Variants in MAPK10 observed in about 807,000 individuals in gnomAD.
MAPK10 encodes the protein mitogen-activated protein kinase 10, also known as JNK3 alpha protein kinase.
A neutral mutation model predicts 59.3 loss-of-function variants in MAPK10; 25 were observed. The ratio of observed to expected loss-of-function variants is 0.42; its 90% CI spans 0.31 to 0.59. The LOEUF is 0.59. Among genes scored for constraint, MAPK10 ranks in the 20% least tolerant of loss-of-function variants. The pLI is 0.15. For missense variants in MAPK10, 351 were observed against 568.9 expected (o/e 0.62, Z 3.90); for synonymous variants, 190 against 200.5 (o/e 0.95, Z 0.44).
intron 1 of MAPK10, among the ~76,000 whole-genome samples, chr4:86,373,410 G>C (rs1287284189): frequency 6.6e-6 from 1 of 152,040 alleles, no homozygotes; most frequent in Non-Finnish European, 1.5e-5. Flanking sequence ...CTGACAAATG[G>C]GATCTAATTA....
At chr4:86,056,724 A>G (rs531896776) in intron 11 of MAPK10, among the ~76,000 whole-genome samples, 1 of 150,166 alleles carries the variant, frequency 6.7e-6, no homozygotes, top group Non-Finnish European at 1.5e-5. Flanking sequence ...ACTATGCTCA[A>G]AGGCTTCAGA....
At chr4:86,174,453 A>C (rs2075197454) in intron 3 of MAPK10, among the ~76,000 whole-genome samples, 1 of 152,094 alleles carries the variant, frequency 6.6e-6, no homozygotes. Flanking sequence ...AACAACACAC[A>C]CTGGGACCTG....
chr4:86,100,124 A>G (rs1366058370), intron 8 of MAPK10: 1 of 152,210 alleles, frequency 6.6e-6, no homozygotes, highest in Non-Finnish European at 1.5e-5. Flanking sequence ...AAAACTTATT[A>G]ATACAGACTG....
At chr4:86,372,501 G>A (rs1162222635) in intron 1 of MAPK10, among the ~76,000 whole-genome samples, 1 of 129,506 alleles carries the variant, frequency 7.7e-6, no homozygotes, top group African/African-American at 3.0e-5. Flanking sequence ...TGGCGACAGA[G>A]TAAGACTCCA....
intron 1 of MAPK10, among the ~76,000 whole-genome samples, chr4:86,547,353 G>C (rs1182421129): frequency 6.6e-6 from 1 of 152,240 alleles, no homozygotes; most frequent in East Asian, 1.9e-4. Flanking sequence ...GACTGCGCGA[G>C]TTCCGGGTGG....
intron 3 of MAPK10, among the ~76,000 whole-genome samples, chr4:86,164,792 A>T (rs2071062575): frequency 6.6e-6 from 1 of 152,160 alleles, no homozygotes; most frequent in Non-Finnish European, 1.5e-5. Flanking sequence ...CTGTTCATTA[A>T]TTGGCTCAAA....
chr4:86,494,306 T>C (rs1754697134), intron 1 of MAPK10, among the ~76,000 whole-genome samples: 2 of 152,126 alleles, frequency 1.3e-5, no homozygotes. Flanking sequence ...TGGGTCCACA[T>C]GGACAGCATG....
intron 2 of MAPK10, among the ~76,000 whole-genome samples, chr4:86,293,745 G>T (rs887755817): frequency 3.3e-5 from 5 of 152,114 alleles, no homozygotes; most frequent in African/African-American, 9.7e-5. Flanking sequence ...AGGAGTGGGA[G>T]CAACAGAGTG....
At chr4:86,557,435 T>G (rs1760353377) in intron 1 of MAPK10, among the ~76,000 whole-genome samples, 1 of 152,080 alleles carries the variant, frequency 6.6e-6, no homozygotes, top group South Asian at 2.1e-4. Flanking sequence ...TGTATTTTTT[T>G]AAAATCTAAG....
chr4:86,128,377 T>C (rs1008539889), intron 4 of MAPK10, among the ~76,000 whole-genome samples: 2 of 152,072 alleles, frequency 1.3e-5, no homozygotes, highest in African/African-American at 4.8e-5. Flanking sequence ...TGGAGGTAAT[T>C]TAATCATGGG....
rs1238031603 is a variant in MAPK10, at chr4:86,423,760, GATATATATACATATAT to G, written c.-122+29254_-122+29269del. On this transcript the variant is annotated intron_variant, in intron 1 of 13. Transcript: ENST00000361569. ...AGGGCTGCATATAAGTAATTAGTGGGATATATATACATATATATATATATATATATATATATGTTTA... is the reference window on the plus strand; with the variant it reads ...AGGGCTGCATATAAGTAATTAGTGGGATATATATATATATATATATGTTTA... Among the ~76,000 whole-genome samples the G allele has an allele frequency of 9.1e-4, 106 of 117,064 alleles. 3 individuals carry two copies. The highest frequency in any genetic ancestry group is 1.4e-3 in the African/African-American group (41 of 28,706). The allele number at this position is 117,064 out of a possible 152,430, so 76.8% of individuals were successfully genotyped here. A position where few individuals can be genotyped will look rare whatever the true frequency, so the allele number is the denominator to read the frequency against.
chr4:86,534,565 A>G (rs1253157656), intron 1 of MAPK10, among the ~76,000 whole-genome samples: 1 of 152,160 alleles, frequency 6.6e-6, no homozygotes, highest in African/African-American at 2.4e-5. Flanking sequence ...TGAGTGGTAT[A>G]TGGAAACTAT....
chr4:86,385,387 T>G (rs2149004360), intron 1 of MAPK10, among the ~76,000 whole-genome samples: 1 of 152,306 alleles, frequency 6.6e-6, no homozygotes, highest in South Asian at 2.1e-4. Flanking sequence ...GGCATAACCT[T>G]TCCAAAGGAA....
At chr4:86,087,396 G>C (rs183947076) in intron 9 of MAPK10, among the ~76,000 whole-genome samples, 1 of 151,992 alleles carries the variant, frequency 6.6e-6, no homozygotes, top group Non-Finnish European at 1.5e-5. Context: ...ATGCCCAAAG[G>C]CCAAACACAA....
At chr4:86,125,683 T>C (rs2059962821) in intron 4 of MAPK10, 1 of 152,134 alleles carries the variant, frequency 6.6e-6, no homozygotes, top group Admixed American at 6.6e-5. Flanking sequence ...TTATGTTTAG[T>C]TATTTTATCT....
chr4:86,517,383 C>G (rs969618383), intron 1 of MAPK10, among the ~76,000 whole-genome samples: 2 of 145,842 alleles, frequency 1.4e-5, no homozygotes, highest in Non-Finnish European at 3.0e-5. Context: ...TCACGCCATT[C>G]TCCTGCCTCA....
At chr4:86,229,398 A>G (rs1434977839) in intron 2 of MAPK10, among the ~76,000 whole-genome samples, 1 of 152,200 alleles carries the variant, frequency 6.6e-6, no homozygotes. Context: ...ATGAATCTAT[A>G]TTATGCCTAC....
At chr4:86,195,764 C>T (rs2081157450) in intron 2 of MAPK10, among the ~76,000 whole-genome samples, 1 of 152,138 alleles carries the variant, frequency 6.6e-6, no homozygotes, top group African/African-American at 2.4e-5. Flanking sequence ...GTTCCCCTCC[C>T]TGTGTCCATG....
rs143955756 is a variant in MAPK10, at chr4:86,443,125, T to C, written c.-122+9905A>G. Among the ~76,000 whole-genome samples the C allele has an allele frequency of 3.3e-3, 502 of 152,170 alleles. 1 individual carries two copies. Among genetic ancestry groups the C allele is most frequent in the African/African-American group, 0.012 (485 of 41,520 alleles). ...TTGAGGAATTGCTGGCAGCTCTGAA[T>C]AGATAAGTTTTTGTGTTGAAAACTC... On this transcript the variant is annotated intron_variant, in intron 1 of 13. Transcript: ENST00000361569.
Sources: gnomAD v4.1 joint callset for allele counts (sites outside exome capture counted in the v4.1 genomes callset) on GRCh38, gnomAD v4.1.1 for gene constraint, MANE v1.5 for transcripts, NCBI Gene and HGNC (gene_info 2026-07-23, HGNC 2026-07-21) for gene names.